Variants in OPTC observed in about 807,000 individuals in gnomAD.
OPTC encodes opticin, also known as oculoglycan.
In OPTC, 22 loss-of-function variants were observed where a neutral mutation model predicts 25.4. The ratio of observed to expected loss-of-function variants is 0.87; its 90% CI spans 0.62 to 1.24. OPTC has a LOEUF of 1.24. Ranked by LOEUF, OPTC falls within the 50% of genes most tolerant of loss-of-function variation. The pLI is 0.00. For synonymous variants in OPTC, 169 were observed against 179.3 expected, an observed-to-expected ratio of 0.94 and a Z score of 0.46; for missense variants, 417 against 425.2, an observed-to-expected ratio of 0.98 and a Z score of 0.17.
chr1:203,498,876 G>T, intron 4 of OPTC, 37 bp downstream of exon 4: 1 of 1,609,486 alleles, frequency 6.2e-7, no homozygotes, highest in Non-Finnish European at 8.5e-7. Flanking sequence ...GTGGGGGCAG[G>T]CATATGCAGC....
chr1:203,494,949 C>T (rs937095976), intron 1 of OPTC, among the ~76,000 whole-genome samples: 12 of 152,140 alleles, frequency 7.9e-5, no homozygotes, highest in African/African-American at 9.7e-5. Flanking sequence ...TTTCCAGATG[C>T]GTACACACTC....
chr1:203,506,201 G>C (rs188988825), intron 7 of OPTC, among the ~76,000 whole-genome samples: 1 of 150,356 alleles, frequency 6.7e-6, no homozygotes, highest in Non-Finnish European at 1.5e-5. Context: ...GCCCAGGGGG[G>C]AGTGCAATGG....
chr1:203,502,420 A>G (rs1661404701), intron 5 of OPTC, among the ~76,000 whole-genome samples: 1 of 152,198 alleles, frequency 6.6e-6, no homozygotes, highest in South Asian at 2.1e-4. Context: ...AGTGAGAGGC[A>G]TGAGGCTTAG....
At chr1:203,507,718 C>G (rs1425863126) in intron 7 of OPTC, among the ~76,000 whole-genome samples, 1 of 152,062 alleles carries the variant, frequency 6.6e-6, no homozygotes. Context: ...ATGACCTCCC[C>G]CTCTGCCTGC....
chr1:203,507,793 G>C (rs547470628), intron 7 of OPTC, among the ~76,000 whole-genome samples: 264 of 151,762 alleles, frequency 1.7e-3, no homozygotes, highest in Non-Finnish European at 2.3e-3. Context: ...GGCCAGAGGA[G>C]GCTCGTGGAG....
intron 4 of OPTC, 57 bp downstream of exon 4, chr1:203,498,896 A>G (rs1661322748): frequency 1.3e-6 from 2 of 1,589,998 alleles, no homozygotes; most frequent in Non-Finnish European, 8.6e-7. Flanking sequence ...CCACCCTGCC[A>G]CTAGGACAGT....
intron 2 of OPTC, 46 bp from the exon 3 acceptor site, chr1:203,496,931 T>A: frequency 6.2e-7 from 1 of 1,612,370 alleles, no homozygotes; most frequent in South Asian, 1.1e-5. Flanking sequence ...TTAAGTCCCT[T>A]TTGTGCAAAA....
intron 7 of OPTC, among the ~76,000 whole-genome samples, chr1:203,504,929 G>C (rs1661454700): frequency 6.6e-6 from 1 of 152,258 alleles, no homozygotes; most frequent in South Asian, 2.1e-4. Flanking sequence ...CTGGGCAGGG[G>C]CTACTATGCT....
intron 2 of OPTC, among the ~76,000 whole-genome samples, chr1:203,496,461 G>C (rs552120557): frequency 7.9e-5 from 12 of 152,266 alleles, no homozygotes; most frequent in African/African-American, 2.9e-4. Flanking sequence ...GCCTCCCCCT[G>C]CCAAAGCTAT....
intron 5 of OPTC, among the ~76,000 whole-genome samples, chr1:203,500,298 A>C (rs1571598804): frequency 8.7e-5 from 2 of 22,914 alleles, no homozygotes; most frequent in Non-Finnish European, 1.6e-4. Flanking sequence ...ACCCACCTCC[A>C]CCACCACCAC....
At position 203,498,832 on chromosome 1, in the gene OPTC, AG is replaced by A; in HGVS notation, c.525del (p.Leu176Ter). 6.2e-7 allele frequency: 1 copy of A among 1,613,880 alleles called. No individual in the cohort carries two copies. The highest frequency in any genetic ancestry group is 8.5e-7 in the Non-Finnish European group (1 of 1,179,986). ...GCCGTATCAGGGCCGAAGACTTCAA[AG>A]GGCTGAGTATGTAATGCCCTGGGAA... ...ISRIRAEDFK[G>X]LTKLKRIDLS... is the part of the protein sequence containing the mutation. On this transcript the variant is annotated frameshift_variant, in exon 4 of 8. Transcript: ENST00000367222. LOFTEE classifies it high-confidence loss of function.
At chr1:203,499,334 G>A (rs577214764) in intron 4 of OPTC, among the ~76,000 whole-genome samples, 1 of 152,124 alleles carries the variant, frequency 6.6e-6, no homozygotes, top group Non-Finnish European at 1.5e-5. Flanking sequence ...AGACTCACAA[G>A]TGGAGGTGAG....
At position 203,501,514 on chromosome 1, in the gene OPTC, C is replaced by T. The variant is rs146117413; in HGVS notation, c.733-1400C>T. Among the ~76,000 whole-genome samples the T allele has an allele frequency of 5.6e-4, 85 of 152,312 alleles. 1 individual carries two copies. The East Asian group carries it at 0.013, about 24-fold the overall frequency. The stretch of plus-strand genomic sequence containing the variant: ...CATTCAATAGGGCTAGGAAGAGCCC[C>T]GGGTGTGTTCGCCCATGTGCTCTCT... On this transcript the variant is annotated intron_variant, in intron 5 of 7. Transcript: ENST00000367222.
At chr1:203,502,392 C>T (rs542763606) in intron 5 of OPTC, among the ~76,000 whole-genome samples, 2 of 152,278 alleles carry the variant, frequency 1.3e-5, no homozygotes, top group Admixed American at 1.3e-4. Context: ...AGTTAGATAC[C>T]AGGGAGCAGG....
chr1:203,506,046 A>G (rs1443878354), intron 7 of OPTC, among the ~76,000 whole-genome samples: 1 of 151,530 alleles, frequency 6.6e-6, no homozygotes, highest in Non-Finnish European at 1.5e-5. Context: ...CCCGTTCCAT[A>G]TCCTGCTTTA....
At chr1:203,497,548 C>T (rs1273898993) in intron 3 of OPTC, among the ~76,000 whole-genome samples, 1 of 152,164 alleles carries the variant, frequency 6.6e-6, no homozygotes, top group Non-Finnish European at 1.5e-5. Context: ...GCTTCAAAGT[C>T]CCTCCTCAGC....
At chr1:203,495,244 C>T (rs189926797) in intron 1 of OPTC, among the ~76,000 whole-genome samples, 2,331 of 152,150 alleles carry the variant, frequency 0.015, 51 homozygotes, top group African/African-American at 0.053. Context: ...GTCAACTGGG[C>T]GCGGTGGCTC....
In OPTC at chr1:203,503,711, C is replaced by T; in HGVS notation, c.990C>T (p.Arg330=). 1 of 1,606,246 alleles carries T rather than the reference C, an allele frequency of 6.2e-7. No homozygotes were observed. The highest frequency in any genetic ancestry group is 8.5e-7 in the Non-Finnish European group (1 of 1,179,996). The change falls in exon 7 of 8, where the codon CGC becomes CGT. Residue 330 remains arginine (R), a synonymous_variant. Coordinates refer to ENST00000367222, the MANE Select transcript of OPTC (RefSeq NM_014359.4). ...GCCTGCCTCGGCTCCCCATCGGCCGCTTCACGTAGCTCGGAGCCCTTCCAC... is the reference window on the plus strand; with the variant it reads ...GCCTGCCTCGGCTCCCCATCGGCCGTTTCACGTAGCTCGGAGCCCTTCCAC... ...YFCLPRLPIG[R]FT
Position 203,503,521 on chromosome 1 carries a change from G to A in OPTC, c.829-29G>A, listed in dbSNP as rs758884097. The A allele has an allele frequency of 3.7e-6, 6 of 1,611,494 alleles. No homozygotes were observed. In the Admixed American group the frequency reaches 1.0e-4, roughly 27 times the overall value. On this transcript the variant is annotated intron_variant, in intron 6 of 7. Transcript: ENST00000367222. ...TGCTTAAGGGGCAGAGCCTCTTGGT[G>A]AGGCTCAGCTGGTATGTGTTCTTCC...
Sources: allele counts gnomAD v4.1 joint callset (sites outside exome capture counted in the v4.1 genomes callset), GRCh38; gene constraint gnomAD v4.1.1; transcripts MANE v1.5; gene names NCBI Gene and HGNC (gene_info 2026-07-23, HGNC 2026-07-21).